Variants in MYBPC1 observed in about 807,000 individuals in gnomAD.
MYBPC1 encodes the protein myosin binding protein C1.
A neutral mutation model predicts 147.1 loss-of-function variants in MYBPC1; 52 were observed. The ratio of observed to expected loss-of-function variants is 0.35; its 90% CI spans 0.28 to 0.45. The LOEUF is 0.45. Among genes scored for constraint, MYBPC1 ranks in the 20% least tolerant of loss-of-function variants. MYBPC1 has a pLI of 1.00. For missense variants in MYBPC1, 1,228 were observed against 1,440.3 expected (o/e 0.85, Z 2.39); for synonymous variants, 477 against 475.9 (o/e 1.00, Z -0.03).
rs906134271 is a variant in MYBPC1, at chr12:101,646,498, G to T, written c.966-265G>T. 1.1e-4 allele frequency among the ~76,000 whole-genome samples: 17 copies of T among 152,244 alleles called. No homozygotes were observed. In the East Asian group the frequency reaches 2.5e-3, roughly 23 times the overall value. Reference sequence around the variant, plus strand: ...GTCTTACAAAAAATAAATTAGCTGGGCCTGATGCCCCACACCTGTGGTCCC... The same window carrying T: ...GTCTTACAAAAAATAAATTAGCTGGTCCTGATGCCCCACACCTGTGGTCCC... On this transcript the variant is annotated intron_variant, in intron 12 of 31. Coordinates refer to ENST00000361466, the MANE Select transcript of MYBPC1 (RefSeq NM_002465.4).
intron 4 of MYBPC1, 53 bp downstream of exon 4, chr12:101,626,963 G>A (rs994199678): frequency 4.4e-5 from 67 of 1,531,966 alleles, no homozygotes; most frequent in Admixed American, 1.2e-4. Context: ...ATTCATTGAC[G>A]GTAGAGGAAA....
chr12:101,614,582 C>G (rs1885383662), intron 2 of MYBPC1, 51 bp downstream of exon 2: 2 of 1,595,612 alleles, frequency 1.3e-6, no homozygotes, highest in Non-Finnish European at 1.7e-6. Flanking sequence ...TACAGAGGGT[C>G]CATCCCAGCA....
At chr12:101,650,288 G>A (rs1336152060) in intron 15 of MYBPC1, among the ~76,000 whole-genome samples, 1 of 152,184 alleles carries the variant, frequency 6.6e-6, no homozygotes, top group South Asian at 2.1e-4. Context: ...TTATGGGTAT[G>A]ACACTCAAGA....
chr12:101,694,694 CTGT>C, the MYBPC1 span, among the ~76,000 whole-genome samples: 1,297 of 151,980 alleles, frequency 8.5e-3, 27 homozygotes, highest in African/African-American at 0.029. Flanking sequence ...AAATAAATTC[CTGT>C]TGTTTAAACT....
intron 22 of MYBPC1, chr12:101,666,295 C>T (rs747343266): frequency 1.9e-4 from 39 of 200,840 alleles, no homozygotes; most frequent in Non-Finnish European, 3.1e-4. Flanking sequence ...GTGGGAGCAC[C>T]GTGTTCCCTG....
intron 7 of MYBPC1, 121 bp downstream of exon 7, chr12:101,631,840 A>T: frequency 6.8e-7 from 1 of 1,461,642 alleles, no homozygotes; most frequent in Non-Finnish European, 9.5e-7. Flanking sequence ...TGAAGTTACC[A>T]TTGCAGTGTC....
In MYBPC1 at chr12:101,680,367, A is replaced by G. The variant is rs1950857008; in HGVS notation, c.3271A>G (p.Lys1091Glu). The stretch of plus-strand genomic sequence containing the variant: ...GCCTAAAATAACCTGGATGAAAAAC[A>G]AAGTTGCTATTGTGGATGATCCAAG... ...PKPKITWMKN[K>E]VAIVDDPRYR... Residue 1091 changes from lysine (K) to glutamate (E), a missense_variant, in exon 29 of 32, where the codon AAA (lysine) becomes GAA (glutamate). Transcript: ENST00000361466. The G allele has an allele frequency of 6.2e-7, 1 of 1,613,998 alleles. No homozygotes were observed. Among genetic ancestry groups the G allele is most frequent in the Non-Finnish European group, 8.5e-7 (1 of 1,179,976 alleles).
intron 2 of MYBPC1, among the ~76,000 whole-genome samples, chr12:101,615,585 A>C (rs1885677209): frequency 6.6e-6 from 1 of 151,982 alleles, no homozygotes; most frequent in Admixed American, 6.6e-5. Flanking sequence ...AGTAGAAAAT[A>C]GAATACAGCC....
chr12:101,688,082 TCA>T (rs537522165), downstream of MYBPC1, among the ~76,000 whole-genome samples: 287 of 152,290 alleles, frequency 1.9e-3, 4 homozygotes, highest in Non-Finnish European at 3.2e-3. Flanking sequence ...AAATTACGTA[TCA>T]CAGGAATTTA....
chr12:101,692,947 C>T, the MYBPC1 span, among the ~76,000 whole-genome samples: 7 of 129,128 alleles, frequency 5.4e-5, no homozygotes, highest in Non-Finnish European at 3.2e-5. Flanking sequence ...ATTACCTTCA[C>T]TTTTTTTTTT....
chr12:101,638,762 A>C (rs980283069), intron 10 of MYBPC1, among the ~76,000 whole-genome samples: 1 of 152,218 alleles, frequency 6.6e-6, no homozygotes. Flanking sequence ...AAATGACAAA[A>C]TTTAAAAATC....
At chr12:101,656,807 G>A (rs1006012484) in intron 18 of MYBPC1, among the ~76,000 whole-genome samples, 1 of 152,152 alleles carries the variant, frequency 6.6e-6, no homozygotes, top group Non-Finnish European at 1.5e-5. Context: ...CAGAAAATCA[G>A]TAAGGACACA....
intron 1 of MYBPC1, among the ~76,000 whole-genome samples, chr12:101,604,285 A>G (rs1197629992): frequency 6.6e-6 from 1 of 152,218 alleles, no homozygotes; most frequent in Non-Finnish European, 1.5e-5. Flanking sequence ...GGACAAAAGA[A>G]TGAATTGACT....
intron 29 of MYBPC1, among the ~76,000 whole-genome samples, chr12:101,681,798 G>A (rs1049572391): frequency 3.3e-5 from 5 of 150,230 alleles, no homozygotes; most frequent in Admixed American, 2.0e-4. Context: ...CAGTAAAGAC[G>A]GGTTTTTGCC....
At chr12:101,659,975 C>A in intron 19 of MYBPC1, 144 bp downstream of exon 19, 2 of 1,089,356 alleles carry the variant, frequency 1.8e-6, no homozygotes, top group Non-Finnish European at 2.7e-6. Flanking sequence ...GAGGACTTAT[C>A]ATTGGAGAAA....
At chr12:101,661,753 G>A (rs1399366700) in intron 20 of MYBPC1, among the ~76,000 whole-genome samples, 1 of 151,798 alleles carries the variant, frequency 6.6e-6, no homozygotes, top group Admixed American at 6.6e-5. Flanking sequence ...GCCGGGCATG[G>A]TGGTGCGCAC....
downstream of MYBPC1, among the ~76,000 whole-genome samples, chr12:101,689,912 C>T (rs1046460095): frequency 9.2e-5 from 14 of 152,122 alleles, no homozygotes; most frequent in South Asian, 2.1e-4. Context: ...CGGTGGCTCA[C>T]GCCTGTAATC....
rs1386068301 is a variant in MYBPC1 at position 101,644,705 on chromosome 12, G to C, written c.874G>C (p.Gly292Arg). ...ILDPAYQVDK[G>R]GRVRFVVELA... The stretch of plus-strand genomic sequence containing the variant: ...TGATCCTGCATATCAGGTTGACAAA[G>C]GAGGCAGAGTGAGGTTTGTTGTGGA... The change falls in exon 12 of 32, where the codon GGA (glycine) becomes CGA (arginine). Residue 292 changes from glycine (G) to arginine (R), a missense_variant. This residue lies in a region of MYBPC1 where 1,077 missense variants were observed against 1,314.2 expected (regional missense o/e 0.82). Coordinates refer to ENST00000361466, the MANE Select transcript of MYBPC1 (RefSeq NM_002465.4). 6.2e-7 allele frequency: 1 copy of C among 1,613,974 alleles called. No individual in the cohort carries two copies. Among genetic ancestry groups the C allele is most frequent in the Admixed American group, 1.7e-5 (1 of 60,020 alleles).
At chr12:101,657,547 A>C (rs1456298700) in intron 18 of MYBPC1, among the ~76,000 whole-genome samples, 1 of 152,224 alleles carries the variant, frequency 6.6e-6, no homozygotes, top group Non-Finnish European at 1.5e-5. Flanking sequence ...AAGGATAGTT[A>C]AGGAATATTA....
Sources: allele counts gnomAD v4.1 joint callset (sites outside exome capture counted in the v4.1 genomes callset), GRCh38; gene constraint gnomAD v4.1.1; regional missense constraint gnomAD v4.1.1; transcripts MANE v1.5; gene names NCBI Gene and HGNC (gene_info 2026-07-23, HGNC 2026-07-21).